Variants in SGIP1 observed in about 807,000 individuals in gnomAD.
SGIP1 encodes SH3-containing GRB2-like protein 3-interacting protein 1.
A neutral mutation model predicts 107.5 loss-of-function variants in SGIP1; 38 were observed. That is an observed-to-expected ratio of 0.35 (90% CI 0.27 to 0.46). The LOEUF (loss-of-function observed/expected upper bound fraction) is 0.46, where lower values mean the gene tolerates loss of function less well. SGIP1 is among the 20% of genes least tolerant of loss of function. The probability of loss-of-function intolerance (pLI) is 1.00; values close to 1 mark genes in which losing one functional copy is unlikely to be tolerated. For missense variants in SGIP1, 929 were observed against 1,019.5 expected (o/e 0.91, Z 1.21); for synonymous variants, 365 against 366.1 (o/e 1.00, Z 0.03).
intron 1 of SGIP1, among the ~76,000 whole-genome samples, chr1:66,584,347 C>G (rs2062241438): frequency 6.6e-6 from 1 of 152,070 alleles, no homozygotes; most frequent in Admixed American, 6.6e-5. Context: ...ATTTATGTTC[C>G]TCAAAGAGAA....
At chr1:66,720,496 G>A (rs376598118) in intron 19 of SGIP1, among the ~76,000 whole-genome samples, 2 of 152,302 alleles carry the variant, frequency 1.3e-5, no homozygotes, top group African/African-American at 2.4e-5. Context: ...GGGAGGCCAA[G>A]ACAGGAGGAT....
At chr1:66,621,536 C>A (rs2071113913) in intron 1 of SGIP1, among the ~76,000 whole-genome samples, 1 of 152,182 alleles carries the variant, frequency 6.6e-6, no homozygotes, top group South Asian at 2.1e-4. Flanking sequence ...AACATAACCA[C>A]CATCAAGTTC....
chr1:66,679,093 T>C (rs1405649203), intron 13 of SGIP1, among the ~76,000 whole-genome samples: 2 of 152,250 alleles, frequency 1.3e-5, no homozygotes, highest in African/African-American at 4.8e-5. Flanking sequence ...AGGAATCTGT[T>C]CATTCCTCCT....
intron 20 of SGIP1, among the ~76,000 whole-genome samples, chr1:66,729,857 A>G (rs1329984015): frequency 6.6e-6 from 1 of 152,162 alleles, no homozygotes; most frequent in Non-Finnish European, 1.5e-5. Flanking sequence ...GCTGGAGTGC[A>G]GTGGCACCAT....
intron 1 of SGIP1, among the ~76,000 whole-genome samples, chr1:66,545,926 G>T (rs1486253796): frequency 6.6e-6 from 1 of 152,048 alleles, no homozygotes; most frequent in Non-Finnish European, 1.5e-5. Context: ...CCACAGTAGA[G>T]ACCATATTTT....
chr1:66,666,713 T>C (rs928247494), intron 8 of SGIP1: 2 of 152,278 alleles, frequency 1.3e-5, no homozygotes, highest in African/African-American at 4.8e-5. Context: ...AATTCTTAGG[T>C]ATTTTATTCT....
At chr1:66,682,892 A>C (rs2087115431) in intron 15 of SGIP1, among the ~76,000 whole-genome samples, 3 of 151,984 alleles carry the variant, frequency 2.0e-5, no homozygotes, top group African/African-American at 7.3e-5. Flanking sequence ...ATTTCTTTAA[A>C]AAGACATAAG....
intron 1 of SGIP1, among the ~76,000 whole-genome samples, chr1:66,622,584 G>A (rs1368604210): frequency 6.6e-6 from 1 of 151,942 alleles, no homozygotes; most frequent in African/African-American, 2.4e-5. Context: ...TGTGTGTGTG[G>A]TTGTTTCCCA....
chr1:66,715,900 T>G (rs112917921), intron 18 of SGIP1, among the ~76,000 whole-genome samples: 1 of 152,256 alleles, frequency 6.6e-6, no homozygotes, highest in African/African-American at 2.4e-5. Flanking sequence ...TATAAGAAAA[T>G]TTTTAGCACT....
chr1:66,607,212 ACT>A (rs1190068772), intron 1 of SGIP1, among the ~76,000 whole-genome samples: 1 of 152,090 alleles, frequency 6.6e-6, no homozygotes, highest in Non-Finnish European at 1.5e-5. Flanking sequence ...ACTTTTCCTC[ACT>A]CTCTCATATT....
chr1:66,733,163 G>C (rs1350904227), intron 20 of SGIP1, among the ~76,000 whole-genome samples: 1 of 152,234 alleles, frequency 6.6e-6, no homozygotes, highest in East Asian at 1.9e-4. Flanking sequence ...TTAAACTCCA[G>C]GATCATCTTA....
Position 66,540,774 on chromosome 1 carries a change from T to A in SGIP1, c.10+6406T>A, listed in dbSNP as rs78223325. Among the ~76,000 whole-genome samples, 53 of 152,288 alleles carry A rather than the reference T, an allele frequency of 3.5e-4. 2 individuals are homozygous for A. The East Asian group carries it at 5.0e-3, about 14-fold the overall frequency. Reference sequence around the variant, plus strand: ...AAGAACATGAACCCAGAAGTCAGACTTGAGTTTGAGTCTAAGTGTTGTGAC... The same window carrying A: ...AAGAACATGAACCCAGAAGTCAGACATGAGTTTGAGTCTAAGTGTTGTGAC... On this transcript the variant is annotated intron_variant, in intron 1 of 24. Coordinates refer to ENST00000371037, the MANE Select transcript of SGIP1 (RefSeq NM_032291.4).
In SGIP1 at chr1:66,624,803, T is replaced by C. The variant is rs115810062; in HGVS notation, c.11-1044T>C. Reference sequence around the variant, plus strand: ...TGAATATATAAACATTTAGTATATTTGAATAATACTCACTAACAGAAGCAC... The same window carrying C: ...TGAATATATAAACATTTAGTATATTCGAATAATACTCACTAACAGAAGCAC... On this transcript the variant is annotated intron_variant, in intron 1 of 24. Transcript: ENST00000371037. Among the ~76,000 whole-genome samples, 1,277 of 152,284 alleles carry C rather than the reference T, an allele frequency of 8.4e-3. 14 individuals carry two copies. The highest frequency in any genetic ancestry group is 0.027 in the African/African-American group (1,119 of 41,552).
chr1:66,675,950 A>T (rs193043051), intron 12 of SGIP1, among the ~76,000 whole-genome samples: 1 of 152,332 alleles, frequency 6.6e-6, no homozygotes, highest in East Asian at 1.9e-4. Flanking sequence ...ACACCTCATT[A>T]AACCACTCCT....
chr1:66,593,684 A>G (rs1188278552), intron 1 of SGIP1, among the ~76,000 whole-genome samples: 1 of 152,140 alleles, frequency 6.6e-6, no homozygotes, highest in Non-Finnish European at 1.5e-5. Context: ...AGGTGGAAGG[A>G]TTGCTTGAGC....
intron 3 of SGIP1, chr1:66,634,094 G>A: frequency 6.2e-7 from 1 of 1,607,034 alleles, no homozygotes; most frequent in South Asian, 1.1e-5. Flanking sequence ...GGAAAAAAAA[G>A]ACCCAGAAGA....
chr1:66,677,002 A>G lies in SGIP1; in HGVS notation c.647-2A>G, dbSNP rs753098046. ...CTGGGAAATCTTCTTTTTTGTTTCC[A>G]GTTCTTTTAGATCAGCCTGAGATAT... is the stretch of plus-strand genomic sequence containing the variant. On this transcript the variant is annotated splice_acceptor_variant, in intron 12 of 24. Transcript: ENST00000371037. LOFTEE classifies it high-confidence loss of function. 1.9e-6 allele frequency: 3 copies of G among 1,599,830 alleles called. No homozygotes were observed. The African/African-American group carries it at 4.1e-5, about 22-fold the overall frequency.
chr1:66,714,849 C>T (rs1446907316), intron 18 of SGIP1, among the ~76,000 whole-genome samples: 1 of 152,034 alleles, frequency 6.6e-6, no homozygotes, highest in Non-Finnish European at 1.5e-5. Context: ...AGTTTCCAGG[C>T]CCCTCTTAGT....
chr1:66,543,218 T>A (rs2055439268), intron 1 of SGIP1, among the ~76,000 whole-genome samples: 1 of 151,782 alleles, frequency 6.6e-6, no homozygotes. Context: ...CTCTAAACTT[T>A]CACAGCTTAC....
Sources: allele counts gnomAD v4.1 joint callset (sites outside exome capture counted in the v4.1 genomes callset), GRCh38; gene constraint gnomAD v4.1.1; transcripts MANE v1.5; gene names NCBI Gene and HGNC (gene_info 2026-07-23, HGNC 2026-07-21).